The following NECTIN1 variants were observed in gnomAD, a reference collection of about 807,000 sequenced individuals.
The protein encoded by NECTIN1 is nectin cell adhesion molecule 1.
A neutral mutation model predicts 48.0 loss-of-function variants in NECTIN1; 23 were observed. The observed-to-expected ratio is 0.48, with a 90% CI of 0.34 to 0.68. The LOEUF (loss-of-function observed/expected upper bound fraction) is 0.68, where lower values mean the gene tolerates loss of function less well. NECTIN1 is among the 30% of genes least tolerant of loss of function. NECTIN1 has a pLI of 0.01. For missense variants in NECTIN1, 591 were observed against 709.9 expected, an observed-to-expected ratio of 0.83 and a Z score of 1.90; for synonymous variants, 270 against 288.9, an observed-to-expected ratio of 0.93 and a Z score of 0.66.
At chr11:119,725,678 C>T (rs1038391143) in intron 1 of NECTIN1, among the ~76,000 whole-genome samples, 18 of 152,162 alleles carry the variant, frequency 1.2e-4, no homozygotes, top group African/African-American at 9.7e-5. Flanking sequence ...TTTCAAAGAC[C>T]ACATGGCAGC....
chr11:119,707,832 G>A lies in NECTIN1; in HGVS notation c.79+20643C>T, dbSNP rs12577411. Among the ~76,000 whole-genome samples the A allele has an allele frequency of 0.012, 1,833 of 152,250 alleles. 86 individuals carry two copies. In the East Asian group the frequency reaches 0.14, roughly 12 times the overall value. On this transcript the variant is annotated intron_variant, in intron 1 of 5. Coordinates refer to ENST00000264025, the MANE Select transcript of NECTIN1 (RefSeq NM_002855.5). ...TCAGGGCTGGGCTATCCATCACCTC[G>A]ACACTCTTCTACCCCTGCTTTAATT...
chr11:119,665,129 G>A lies in NECTIN1; in HGVS notation c.1172C>T (p.Thr391Ile). Residue 391 changes from threonine (T) to isoleucine (I), a missense_variant, in exon 6 of 6, where the codon ACC becomes ATC. By Grantham distance (89) the Thr-to-Ile change is moderately conservative. Transcript: ENST00000264025. This position sits in a 1 kb window ranked among gnomAD's most constrained non-coding sequence, Gnocchi z 5.1. The part of the protein sequence containing the change: ...RRHTFKGDYS[T>I]KKHVYGNGYS... ...GCCGTTGCCATACACGTGCTTCTTG[G>A]TGCTGTAGTCACCCTTGAAGGTGTG... 1 of 1,614,000 alleles carries A rather than the reference G, an allele frequency of 6.2e-7. No homozygotes were observed. Among genetic ancestry groups the A allele is most frequent in the South Asian group, 1.1e-5 (1 of 91,074 alleles).
chr11:119,728,294 A>T (rs1194899875), intron 1 of NECTIN1, among the ~76,000 whole-genome samples, 181 bp downstream of exon 1: 2 of 152,242 alleles, frequency 1.3e-5, no homozygotes, highest in Admixed American at 1.3e-4. Context: ...CCTGCAGGGC[A>T]GGCGGTTCGG....
At chr11:119,660,043 C>A (rs1349978285), downstream of NECTIN1, among the ~76,000 whole-genome samples, 2 of 152,164 alleles carry the variant, frequency 1.3e-5, no homozygotes, top group African/African-American at 2.4e-5. Context: ...CTTCTGCACG[C>A]CTACTTCTGC....
At chr11:119,648,319 G>A (rs1316772654) in intron 5 of NECTIN1, among the ~76,000 whole-genome samples, 1 of 79,158 alleles carries the variant, frequency 1.3e-5, no homozygotes, top group Non-Finnish European at 2.4e-5. Flanking sequence ...GGTGGTGATG[G>A]TGATGGTGGT....
intron 5 of NECTIN1, among the ~76,000 whole-genome samples, chr11:119,648,316 A>ATGGTGGTGGTGGTGGTGATGGTGGTGG: frequency 1.1e-4 from 1 of 8,976 alleles, no homozygotes; most frequent in Admixed American, 2.1e-3. Context: ...GATGGTGGTG[A>ATGGTGGTGGTGGTGGTGATGGTGGTGG]TGGTGATGGT....
intron 1 of NECTIN1, among the ~76,000 whole-genome samples, chr11:119,686,836 C>T (rs1473458737): frequency 1.3e-5 from 2 of 152,170 alleles, no homozygotes; most frequent in African/African-American, 2.4e-5. Context: ...CCCAGTATCT[C>T]GGCGCACACC....
intron 5 of NECTIN1, among the ~76,000 whole-genome samples, chr11:119,671,425 G>A (rs1591453414): frequency 6.6e-6 from 1 of 152,152 alleles, no homozygotes; most frequent in Middle Eastern, 3.2e-3. Flanking sequence ...AGACAGTGGG[G>A]AAGTGGGGGC....
chr11:119,718,505 G>A (rs188035620), intron 1 of NECTIN1, among the ~76,000 whole-genome samples: 20 of 152,304 alleles, frequency 1.3e-4, no homozygotes, highest in Non-Finnish European at 2.9e-4. Context: ...TCTGGGTGAG[G>A]GCAAGAGGGC....
rs1317281415 is a variant in NECTIN1 at position 119,664,974 on chromosome 11, C to T, written c.1327G>A (p.Glu443Lys). The change falls in exon 6 of 6, where the codon GAG becomes AAG. Residue 443 changes from glutamate (E) to lysine (K), a missense_variant. Physicochemically the swap from Glu to Lys is moderately conservative, Grantham distance 56 (BLOSUM62 1). Coordinates refer to ENST00000264025, the MANE Select transcript of NECTIN1 (RefSeq NM_002855.5). ...GSSYEEEEEE[E>K]EGGGGGERKV... ...CGCTCGCCCCCTCCACCGCCCTCCT[C>T]CTCCTCCTCCTCCTCCTCATAGCTG... 1 of 1,611,988 alleles carries T rather than the reference C, an allele frequency of 6.2e-7. No homozygotes were observed. Among genetic ancestry groups the T allele is most frequent in the East Asian group, 2.2e-5 (1 of 44,848 alleles).
At position 119,662,547 on chromosome 11, in the gene NECTIN1, T is replaced by C. The variant is rs1432200812; in HGVS notation, c.*2200A>G. ...TCAAAGTCCAACACAGAATGGGGAATAGAGGGTGGCAGTGCAGGATAAAGG... is the reference window on the plus strand; with the variant it reads ...TCAAAGTCCAACACAGAATGGGGAACAGAGGGTGGCAGTGCAGGATAAAGG... On this transcript the variant is annotated 3_prime_UTR_variant, in exon 6 of 6. Coordinates refer to ENST00000264025, the MANE Select transcript of NECTIN1 (RefSeq NM_002855.5). This position sits in a 1 kb window ranked among gnomAD's most constrained non-coding sequence, Gnocchi z 5.3. 6 of 985,358 alleles carry C rather than the reference T, an allele frequency of 6.1e-6. No homozygotes were observed. In the South Asian group the frequency reaches 2.4e-4, roughly 39 times the overall value. 61.0% of individuals were successfully genotyped at this position (985,358 alleles called of 1,614,324 possible). A position where few individuals can be genotyped will look rare whatever the true frequency, so the allele number is the denominator to read the frequency against.
chr11:119,659,951 A>T (rs1864634478), downstream of NECTIN1, among the ~76,000 whole-genome samples: 2 of 152,222 alleles, frequency 1.3e-5, no homozygotes. Flanking sequence ...GAATATCAAC[A>T]TCTAAACACA....
chr11:119,650,214 G>A (rs529698736), intron 5 of NECTIN1, among the ~76,000 whole-genome samples: 5 of 152,280 alleles, frequency 3.3e-5, no homozygotes, highest in African/African-American at 1.2e-4. Context: ...GTGGTGGAAT[G>A]TCATCAGTTA....
intron 1 of NECTIN1, among the ~76,000 whole-genome samples, chr11:119,725,437 C>G (rs1876795): frequency 0.48 from 72,761 of 152,062 alleles, 18,224 homozygotes; most frequent in Admixed American, 0.54. Context: ...TCTGCAGTAT[C>G]TCCTCTTCCC....
intron 1 of NECTIN1, among the ~76,000 whole-genome samples, chr11:119,722,104 C>T (rs1382209214): frequency 6.6e-6 from 1 of 152,224 alleles, no homozygotes; most frequent in Non-Finnish European, 1.5e-5. Context: ...ACTGGATTTG[C>T]AGTCAGAAGA....
chr11:119,711,949 G>A (rs971931482), intron 1 of NECTIN1, among the ~76,000 whole-genome samples: 2 of 152,206 alleles, frequency 1.3e-5, no homozygotes, highest in South Asian at 2.1e-4. Flanking sequence ...TAGGATTGGG[G>A]AGGGGTCCTG....
At chr11:119,715,987 C>G (rs1300098651) in intron 1 of NECTIN1, among the ~76,000 whole-genome samples, 1 of 152,228 alleles carries the variant, frequency 6.6e-6, no homozygotes, top group Non-Finnish European at 1.5e-5. Context: ...CAGGATGAAC[C>G]TGTCTGCCTC....
In NECTIN1 at chr11:119,650,420, C is replaced by G. The variant is rs535451746; in HGVS notation, c.1004-10408G>C. Among the ~76,000 whole-genome samples the G allele has an allele frequency of 8.5e-5, 13 of 152,286 alleles. 1 individual carries two copies. The highest frequency in any genetic ancestry group is 4.1e-4 in the South Asian group (2 of 4,822). On this transcript the variant is annotated intron_variant, in intron 5 of 7. Transcript: ENST00000341398. The stretch of plus-strand genomic sequence containing the variant: ...AGGAAGTCTTTCCTCATGAGCCCGG[C>G]CTGCCTCTGATGACGCCATTTGATA...
At chr11:119,690,875 G>A (rs1361647570) in intron 1 of NECTIN1, among the ~76,000 whole-genome samples, 1 of 152,048 alleles carries the variant, frequency 6.6e-6, no homozygotes, top group East Asian at 1.9e-4. Context: ...CACTTTTCAC[G>A]CCGCCCCCCA....
Sources: gnomAD v4.1 joint callset for allele counts (sites outside exome capture counted in the v4.1 genomes callset) on GRCh38, gnomAD v4.1.1 for gene constraint, Gnocchi (gnomAD v3.1) non-coding constraint, MANE v1.5 for transcripts, NCBI Gene and HGNC (gene_info 2026-07-23, HGNC 2026-07-21) for gene names.